The following ZBTB7C variants were observed in gnomAD, a reference collection of about 807,000 sequenced individuals.
The protein encoded by ZBTB7C is zinc finger and BTB domain-containing protein 7C.
A neutral mutation model predicts 25.7 loss-of-function variants in ZBTB7C; 8 were observed. The observed-to-expected ratio is 0.31, with a 90% confidence interval of 0.18 to 0.56. ZBTB7C has a LOEUF of 0.56. ZBTB7C is among the 20% of genes least tolerant of loss of function. The pLI is 0.91. For missense variants in ZBTB7C, 824 were observed against 855.2 expected, an observed-to-expected ratio of 0.96 and a Z score of 0.46; for synonymous variants, 394 against 369.0, an observed-to-expected ratio of 1.07 and a Z score of -0.78.
intron 2 of ZBTB7C, among the ~76,000 whole-genome samples, chr18:48,246,350 G>A (rs1247969248): frequency 6.6e-6 from 1 of 151,560 alleles, no homozygotes; most frequent in African/African-American, 2.4e-5. Context: ...GAATGGCGTG[G>A]ACCCGGGAGG....
intron 2 of ZBTB7C, among the ~76,000 whole-genome samples, chr18:48,269,234 G>C (rs1322903713): frequency 6.6e-6 from 1 of 152,120 alleles, no homozygotes; most frequent in Admixed American, 6.5e-5. Context: ...AAAGTGCTGG[G>C]ATTACACATG....
intron 2 of ZBTB7C, among the ~76,000 whole-genome samples, chr18:48,240,896 T>C (rs888753881): frequency 2.0e-5 from 3 of 152,092 alleles, no homozygotes; most frequent in East Asian, 1.9e-4. Context: ...ACTTAAAAGA[T>C]ACAAAATGGC....
intron 3 of ZBTB7C, among the ~76,000 whole-genome samples, chr18:48,072,223 T>C (rs1277357719): frequency 1.3e-5 from 2 of 152,182 alleles, no homozygotes; most frequent in East Asian, 3.9e-4. Context: ...TGAAAGTGAG[T>C]TGACACTCTA....
chr18:48,397,477 T>G (rs2048057339), intron 1 of ZBTB7C, among the ~76,000 whole-genome samples: 1 of 152,294 alleles, frequency 6.6e-6, no homozygotes, highest in South Asian at 2.1e-4. Flanking sequence ...CACTTCCAGA[T>G]AGCCGTATCA....
intron 1 of ZBTB7C, among the ~76,000 whole-genome samples, chr18:48,357,186 A>G (rs895878348): frequency 5.9e-5 from 9 of 152,222 alleles, no homozygotes; most frequent in African/African-American, 9.7e-5. Flanking sequence ...GAGAGAACAT[A>G]TAGATTCTGA....
chr18:48,040,271 T>A lies in ZBTB7C; in HGVS notation c.837A>T (p.Pro279=). The change falls in exon 4 of 5, where the codon CCA becomes CCT. Residue 279 remains proline (P), a synonymous_variant. Coordinates refer to ENST00000590800, the MANE Select transcript of ZBTB7C (RefSeq NM_001318841.2). ...TCCGATTCTTGATGACCAGATCCAG[T>A]GGCCCACTGTCCATGGGCTGCTCAG... The part of the protein sequence containing the change: ...QLPEQPMDSG[P]LDLVIKNRKI... The A allele has an allele frequency of 1.3e-6, 2 of 1,561,550 alleles. No homozygotes were observed. Among genetic ancestry groups the A allele is most frequent in the Non-Finnish European group, 1.7e-6 (2 of 1,156,104 alleles).
At chr18:48,299,908 C>CAGATAGTATAAGCTAAGGG (rs2045500713) in intron 2 of ZBTB7C, among the ~76,000 whole-genome samples, 1 of 152,162 alleles carries the variant, frequency 6.6e-6, no homozygotes, top group Non-Finnish European at 1.5e-5. Flanking sequence ...TTATGAAAAA[C>CAGATAGTATAAGCTAAGGG]AGATAGTATA....
intron 3 of ZBTB7C, chr18:48,185,499 C>T (rs958077110): frequency 9.6e-6 from 3 of 313,368 alleles, no homozygotes; most frequent in South Asian, 2.7e-5. Flanking sequence ...GGATTGGTTC[C>T]TGTGACTGCA....
At chr18:48,087,808 A>G in intron 3 of ZBTB7C, 1 of 122,638 alleles carries the variant, frequency 8.2e-6, no homozygotes, top group South Asian at 2.9e-4. Flanking sequence ...TCTAAAATAA[A>G]TAACAAATAA....
At chr18:48,236,180 A>T (rs1234962639) in intron 2 of ZBTB7C, among the ~76,000 whole-genome samples, 1 of 152,208 alleles carries the variant, frequency 6.6e-6, no homozygotes, top group Non-Finnish European at 1.5e-5. Context: ...TTCACTAAAT[A>T]TCTCTACAAC....
chr18:48,161,643 G>A (rs954695489), intron 3 of ZBTB7C, among the ~76,000 whole-genome samples: 7 of 151,506 alleles, frequency 4.6e-5, no homozygotes, highest in Non-Finnish European at 8.8e-5. Flanking sequence ...CAAGCGCCCC[G>A]GACTCCGTGC....
At chr18:48,391,172 G>A (rs1436955728) in intron 1 of ZBTB7C, among the ~76,000 whole-genome samples, 7 of 152,150 alleles carry the variant, frequency 4.6e-5, no homozygotes. Flanking sequence ...GGTGACCGCC[G>A]CCATGTGACG....
At chr18:48,138,117 CACAAA>C (rs1353049486) in intron 3 of ZBTB7C, among the ~76,000 whole-genome samples, 3 of 152,386 alleles carry the variant, frequency 2.0e-5, no homozygotes, top group Non-Finnish European at 2.9e-5. Flanking sequence ...GGAAAATAAG[CACAAA>C]ACAAGAGTCC....
chr18:48,354,353 A>G (rs188919342), intron 1 of ZBTB7C, among the ~76,000 whole-genome samples: 23 of 152,222 alleles, frequency 1.5e-4, no homozygotes, highest in African/African-American at 5.5e-4. Flanking sequence ...GGCTGACCTT[A>G]TCAATCTCAA....
At chr18:48,283,867 C>A (rs1379904077) in intron 2 of ZBTB7C, among the ~76,000 whole-genome samples, 1 of 152,146 alleles carries the variant, frequency 6.6e-6, no homozygotes, top group South Asian at 2.1e-4. Flanking sequence ...GAAAAGGGGG[C>A]CAGGCACAGT....
At chr18:48,105,262 C>T (rs1333915767) in intron 3 of ZBTB7C, among the ~76,000 whole-genome samples, 1 of 152,198 alleles carries the variant, frequency 6.6e-6, no homozygotes, top group African/African-American at 2.4e-5. Flanking sequence ...AAAGTGATTT[C>T]AGGCCCATGG....
intron 3 of ZBTB7C, chr18:48,041,585 AACAGACTT>A (rs2036242827): frequency 1.0e-6 from 1 of 980,230 alleles, no homozygotes. Flanking sequence ...CTGATTCTGT[AACAGACTT>A]ACACTTTGCA....
At chr18:48,179,513 G>A (rs756381376) in intron 3 of ZBTB7C, among the ~76,000 whole-genome samples, 44 of 152,264 alleles carry the variant, frequency 2.9e-4, no homozygotes, top group Non-Finnish European at 6.2e-4. Context: ...TTAAGCACCA[G>A]GAAGGAGAGA....
At chr18:48,089,996 G>C (rs543357150) in intron 3 of ZBTB7C, among the ~76,000 whole-genome samples, 4 of 152,370 alleles carry the variant, frequency 2.6e-5, no homozygotes, top group Non-Finnish European at 4.4e-5. Flanking sequence ...AAGGAGGTGG[G>C]AGTGTGGTCC....
Sources: gnomAD v4.1 joint callset for allele counts (sites outside exome capture counted in the v4.1 genomes callset) on GRCh38, gnomAD v4.1.1 for gene constraint, MANE v1.5 for transcripts, NCBI Gene and HGNC (gene_info 2026-07-23, HGNC 2026-07-21) for gene names.